YWHAE: variants seen among roughly 807,000 people sequenced by gnomAD.
YWHAE encodes the protein 14-3-3 protein epsilon.
A neutral mutation model predicts 30.1 loss-of-function variants in YWHAE; 4 were observed. The ratio of observed to expected loss-of-function variants is 0.13; its 90% CI spans 0.07 to 0.30. The LOEUF is 0.30. Ranked by LOEUF, YWHAE falls within the 10% of genes least tolerant of loss-of-function variation. YWHAE has a pLI of 1.00. For synonymous variants in YWHAE, 118 were observed against 111.8 expected, an observed-to-expected ratio of 1.06 and a Z score of -0.35; for missense variants, 121 against 315.9, an observed-to-expected ratio of 0.38 and a Z score of 4.68.
At chr17:1,370,775 T>C (rs1024500958) in intron 1 of YWHAE, among the ~76,000 whole-genome samples, 5 of 151,776 alleles carry the variant, frequency 3.3e-5, no homozygotes, top group Non-Finnish European at 7.4e-5. Context: ...GGTGGGCAGA[T>C]CACGAGGTCA....
At chr17:1,389,631 T>C (rs1049508164) in intron 1 of YWHAE, among the ~76,000 whole-genome samples, 1 of 141,112 alleles carries the variant, frequency 7.1e-6, no homozygotes, top group African/African-American at 2.6e-5. Context: ...CCCGGGTTCA[T>C]GCCATTCTCC....
At chr17:1,399,676 C>T (rs1653805387) in intron 1 of YWHAE, 1 of 381,220 alleles carries the variant, frequency 2.6e-6, no homozygotes, top group African/African-American at 2.1e-5. Flanking sequence ...TTGTTCTCCA[C>T]ATCCCAAGGC....
chr17:1,357,771 A>G (rs568176566), intron 4 of YWHAE, among the ~76,000 whole-genome samples: 3 of 150,792 alleles, frequency 2.0e-5, no homozygotes, highest in Admixed American at 2.0e-4. Flanking sequence ...ACATAAAAAT[A>G]CAAAAATTAG....
chr17:1,380,236 G>A lies in YWHAE; in HGVS notation c.65-15178C>T, dbSNP rs548147655. Among the ~76,000 whole-genome samples the A allele has an allele frequency of 3.3e-5, 5 of 150,570 alleles. No homozygotes were observed. The East Asian group carries it at 9.9e-4, about 30-fold the overall frequency. On this transcript the variant is annotated intron_variant, in intron 1 of 5. Transcript: ENST00000264335. ...TCAAGAGTCTCCTGCCTCAGCCTCC[G>A]AAGTAGCTGGGATTACAGGCGCACA...
At chr17:1,371,839 CTTTTT>C (rs368590864) in intron 1 of YWHAE, among the ~76,000 whole-genome samples, 4 of 138,546 alleles carry the variant, frequency 2.9e-5, no homozygotes, top group Admixed American at 7.3e-5. Flanking sequence ...TGACCCTGTA[CTTTTT>C]TTTTTTTTTT....
chr17:1,374,593 CTT>C (rs766014954), intron 1 of YWHAE, among the ~76,000 whole-genome samples: 8 of 152,122 alleles, frequency 5.3e-5, no homozygotes, highest in Non-Finnish European at 1.2e-4. Context: ...CTCAGGAACA[CTT>C]GTTAGTTATT....
intron 1 of YWHAE, among the ~76,000 whole-genome samples, chr17:1,389,173 C>A (rs2073352951): frequency 6.6e-6 from 1 of 152,206 alleles, no homozygotes; most frequent in South Asian, 2.1e-4. Context: ...ACTATGTTGC[C>A]CAGGCTGGTC....
intron 1 of YWHAE, among the ~76,000 whole-genome samples, chr17:1,365,651 T>C (rs575781070): frequency 6.6e-6 from 1 of 152,278 alleles, no homozygotes; most frequent in Admixed American, 6.5e-5. Context: ...CCTTGGCATC[T>C]ACCGCAAGCA....
At chr17:1,374,980 C>A (rs913157796) in intron 1 of YWHAE, among the ~76,000 whole-genome samples, 1 of 152,060 alleles carries the variant, frequency 6.6e-6, no homozygotes, top group African/African-American at 2.4e-5. Flanking sequence ...TATTCACAGG[C>A]CCATGATCAC....
intron 1 of YWHAE, among the ~76,000 whole-genome samples, chr17:1,365,575 G>C (rs1438778949): frequency 6.6e-6 from 1 of 152,080 alleles, no homozygotes; most frequent in African/African-American, 2.4e-5. Context: ...TCCTTCATTG[G>C]TAAAACTTCT....
chr17:1,357,319 C>T (rs2072765531), intron 4 of YWHAE, among the ~76,000 whole-genome samples: 2 of 147,480 alleles, frequency 1.4e-5, no homozygotes, highest in Non-Finnish European at 3.0e-5. Context: ...AGGAGAATGG[C>T]GTGAACCCGG....
intron 1 of YWHAE, among the ~76,000 whole-genome samples, chr17:1,375,512 T>C (rs1187531282): frequency 6.6e-6 from 1 of 152,206 alleles, no homozygotes; most frequent in Non-Finnish European, 1.5e-5. Context: ...ACTGAAATGG[T>C]TGAAATCACT....
intron 5 of YWHAE, among the ~76,000 whole-genome samples, chr17:1,347,068 CTG>C (rs1447063453): frequency 1.3e-5 from 2 of 150,578 alleles, no homozygotes; most frequent in Non-Finnish European, 2.9e-5. Context: ...TGGCTCACGC[CTG>C]TAATACCAGC....
intron 1 of YWHAE, among the ~76,000 whole-genome samples, chr17:1,386,675 C>T (rs774491813): frequency 6.6e-6 from 1 of 152,218 alleles, no homozygotes; most frequent in East Asian, 1.9e-4. Flanking sequence ...ATGAGCCAGG[C>T]ACGGTGGCTC....
chr17:1,357,906 A>G (rs11869604), intron 4 of YWHAE, among the ~76,000 whole-genome samples: 1,663 of 151,776 alleles, frequency 0.011, 26 homozygotes, highest in South Asian at 0.084. Flanking sequence ...CAGCCTGGGA[A>G]ACACAGCGAG....
chr17:1,360,889 C>T (rs1459875878), intron 4 of YWHAE, among the ~76,000 whole-genome samples: 1 of 152,150 alleles, frequency 6.6e-6, no homozygotes, highest in Non-Finnish European at 1.5e-5. Flanking sequence ...AAATATCCCA[C>T]ATCAAAATAA....
intron 1 of YWHAE, among the ~76,000 whole-genome samples, chr17:1,385,522 G>C (rs1409039629): frequency 1.3e-5 from 2 of 152,256 alleles, no homozygotes; most frequent in Non-Finnish European, 2.9e-5. Flanking sequence ...TGGCACCAGG[G>C]ACCAGTTTCG....
intron 1 of YWHAE, among the ~76,000 whole-genome samples, chr17:1,373,335 G>T (rs767776281): frequency 1.3e-5 from 2 of 151,950 alleles, no homozygotes; most frequent in Non-Finnish European, 2.9e-5. Context: ...TAACGTCAAA[G>T]ATTACTGATC....
intron 4 of YWHAE, among the ~76,000 whole-genome samples, chr17:1,359,813 TGTGTGTGTGTGTGTGTGTGTG>T (rs1567962418): frequency 1.8e-4 from 1 of 5,468 alleles, no homozygotes. Context: ...ACTAAATTGT[TGTGTGTGTGTGTGTGTGTGTG>T]TGTGTGTGTG....
Sources: gnomAD v4.1 joint callset for allele counts (sites outside exome capture counted in the v4.1 genomes callset) on GRCh38, gnomAD v4.1.1 for gene constraint, MANE v1.5 for transcripts, NCBI Gene and HGNC (gene_info 2026-07-23, HGNC 2026-07-21) for gene names.